KIF1A: variants seen among roughly 807,000 people sequenced by gnomAD.
KIF1A encodes kinesin-like protein KIF1A.
A neutral mutation model predicts 227.3 loss-of-function variants in KIF1A; 46 were observed. The observed-to-expected ratio is 0.20, with a 90% CI of 0.16 to 0.26. KIF1A has a LOEUF of 0.26. Ranked by LOEUF, KIF1A falls within the 10% of genes least tolerant of loss-of-function variation. The pLI, the probability that KIF1A is intolerant of heterozygous loss-of-function variation, is 1.00. For missense variants in KIF1A, 1,683 were observed against 2,485.9 expected, an observed-to-expected ratio of 0.68 and a Z score of 6.87; for synonymous variants, 1,022 against 1,012.8, an observed-to-expected ratio of 1.01 and a Z score of -0.17.
At position 240,730,008 on chromosome 2, in the gene KIF1A, G is replaced by C. The variant is rs566754663; in HGVS notation, c.4008-3068C>G. On this transcript the variant is annotated intron_variant, in intron 38 of 48. Transcript: ENST00000498729. Reference sequence around the variant, plus strand: ...CTGTACCCTAAATGCCTCGCAACCAGCCCTTGGCCCACATCCTGCCTGGCT... The same window carrying C: ...CTGTACCCTAAATGCCTCGCAACCACCCCTTGGCCCACATCCTGCCTGGCT... Among the ~76,000 whole-genome samples, 5 of 152,312 alleles carry C rather than the reference G, an allele frequency of 3.3e-5. No homozygotes were observed. The East Asian group carries it at 9.6e-4, about 29-fold the overall frequency.
intron 10 of KIF1A, chr2:240,781,899 C>T (rs2054076971): frequency 3.0e-6 from 3 of 985,296 alleles, no homozygotes; most frequent in Non-Finnish European, 3.6e-6. Context: ...TGGAACTCCT[C>T]ACACGGGCCG....
At chr2:240,810,078 C>T (rs1044047615) in intron 1 of KIF1A, among the ~76,000 whole-genome samples, 7 of 152,002 alleles carry the variant, frequency 4.6e-5, no homozygotes, top group African/African-American at 1.2e-4. Context: ...CCTCCCAAAG[C>T]GCTGGAATTA....
intron 10 of KIF1A, among the ~76,000 whole-genome samples, chr2:240,780,797 T>A (rs931713019): frequency 8.8e-4 from 11 of 12,460 alleles, no homozygotes; most frequent in African/African-American, 2.7e-3. Flanking sequence ...CACACACAGC[T>A]CCACACACAC....
chr2:240,790,467 C>T lies in KIF1A; in HGVS notation c.107-1155G>A, dbSNP rs1020305829. Among the ~76,000 whole-genome samples the T allele has an allele frequency of 1.3e-5, 2 of 151,992 alleles. No homozygotes were observed. Among genetic ancestry groups the T allele is most frequent in the African/African-American group, 4.8e-5 (2 of 41,392 alleles). On this transcript the variant is annotated intron_variant, in intron 2 of 48. Transcript: ENST00000498729. This position sits in a 1 kb window ranked among gnomAD's most constrained non-coding sequence, Gnocchi z 5.0. Reference sequence around the variant, plus strand: ...CCAGCGGCACAGCCTCCAGTATGCCCGCACCCTCCGTGCCAGCATGCACCC... The same window carrying T: ...CCAGCGGCACAGCCTCCAGTATGCCTGCACCCTCCGTGCCAGCATGCACCC...
rs778729761 is a variant in KIF1A, at chr2:240,737,045, AG to A, written c.4007+17del. The A allele has an allele frequency of 1.4e-5, 22 of 1,590,414 alleles. No individual in the cohort carries two copies. The highest frequency in any genetic ancestry group is 1.8e-5 in the Non-Finnish European group (21 of 1,158,960). On this transcript the variant is annotated intron_variant, in intron 38 of 48. Coordinates refer to ENST00000498729, the MANE Select transcript of KIF1A (RefSeq NM_001244008.2). ...GGAACATGCCCTGGGCCCTGTCTCC[AG>A]GGAGTCTCCGACTCACCGGTCATCT...
chr2:240,741,230 A>G (rs1204691511), intron 35 of KIF1A, 39 bp downstream of exon 35: 3 of 1,406,084 alleles, frequency 2.1e-6, no homozygotes, highest in Admixed American at 1.9e-5. Flanking sequence ...ACCCCCCGAC[A>G]CACACTCACG....
At chr2:240,723,891 TG>T (rs1056552511) in intron 41 of KIF1A, 83 bp downstream of exon 41, 4 of 1,162,480 alleles carry the variant, frequency 3.4e-6, no homozygotes, top group Non-Finnish European at 3.9e-6. Flanking sequence ...CCCCTGCAAA[TG>T]GCAGCTTCGC....
At chr2:240,795,610 G>A (rs893215837) in intron 2 of KIF1A, among the ~76,000 whole-genome samples, 2 of 152,210 alleles carry the variant, frequency 1.3e-5, no homozygotes, top group South Asian at 2.1e-4. Context: ...TCTTGGCAAC[G>A]CTGGCTCACC....
chr2:240,759,006 G>A (rs75342651), intron 25 of KIF1A, among the ~76,000 whole-genome samples: 1,998 of 152,238 alleles, frequency 0.013, 44 homozygotes, highest in African/African-American at 0.046. Flanking sequence ...CTAGATCTCA[G>A]GTATAAGAGA....
In KIF1A at chr2:240,789,733, G is replaced by A. The variant is rs184927664; in HGVS notation, c.107-421C>T. Among the ~76,000 whole-genome samples the A allele has an allele frequency of 9.2e-5, 14 of 152,228 alleles. No homozygotes were observed. Among genetic ancestry groups the A allele is most frequent in the African/African-American group, 1.9e-4 (8 of 41,530 alleles). Reference sequence around the variant, plus strand: ...GCTCCGGCTCAGCGTGCACGTGCCCGAGAAGCGCTGGAAGCCTGGGCGTCC... The same window carrying A: ...GCTCCGGCTCAGCGTGCACGTGCCCAAGAAGCGCTGGAAGCCTGGGCGTCC... On this transcript the variant is annotated intron_variant, in intron 2 of 48. Coordinates refer to ENST00000498729, the MANE Select transcript of KIF1A (RefSeq NM_001244008.2). This position sits in a 1 kb window ranked among gnomAD's most constrained non-coding sequence, Gnocchi z 4.8.
upstream of KIF1A, among the ~76,000 whole-genome samples, chr2:240,820,721 C>T (rs2058660896): frequency 6.6e-6 from 1 of 151,844 alleles, no homozygotes; most frequent in Admixed American, 6.5e-5. This position sits in a 1 kb window ranked among gnomAD's most constrained non-coding sequence, Gnocchi z 6.2. Context: ...ATGCTGGCTC[C>T]GGGTGTAACA....
Position 240,758,499 on chromosome 2 carries a change from T to TGCAGGGACGGCAGGGGTCAATGTGGAC in KIF1A, c.2445-29_2445-3dup. 1 of 1,574,758 alleles carries TGCAGGGACGGCAGGGGTCAATGTGGAC rather than the reference T, an allele frequency of 6.4e-7. No individual in the cohort carries two copies. Among genetic ancestry groups the TGCAGGGACGGCAGGGGTCAATGTGGAC allele is most frequent in the Non-Finnish European group, 8.6e-7 (1 of 1,158,852 alleles). On this transcript the variant is annotated splice_polypyrimidine_tract_variant and splice_region_variant and intron_variant, in intron 25 of 48. Coordinates refer to ENST00000498729, the MANE Select transcript of KIF1A (RefSeq NM_001244008.2). This position sits in a 1 kb window ranked among gnomAD's most constrained non-coding sequence, Gnocchi z 5.2. ...TCCCGCATCAGGTCCAGACGCTGCC[T>TGCAGGGACGGCAGGGGTCAATGTGGAC]GCAGGGACGGCAGGGGTCAATGTGG...
rs1429313760 is a variant in KIF1A, at chr2:240,778,622, A to G, written c.883-2696T>C. The stretch of plus-strand genomic sequence containing the variant: ...CCTTCAGCTCGGCCCCCGTCCCCAC[A>G]CAGCTCCCCACCCCCTTCCACACAC... On this transcript the variant is annotated intron_variant, in intron 10 of 48. Coordinates refer to ENST00000498729, the MANE Select transcript of KIF1A (RefSeq NM_001244008.2). The surrounding 1 kb of genome is among the most constrained non-coding windows in gnomAD (Gnocchi z 7.2). Among the ~76,000 whole-genome samples the G allele has an allele frequency of 7.2e-6, 1 of 138,302 alleles. No individual in the cohort carries two copies. Among genetic ancestry groups the G allele is most frequent in the East Asian group, 2.2e-4 (1 of 4,464 alleles). 90.7% of individuals were successfully genotyped at this position (138,302 alleles called of 152,430 possible).
chr2:240,796,142 G>A lies in KIF1A; in HGVS notation c.106+1505C>T, dbSNP rs137896669. 5.0e-3 allele frequency among the ~76,000 whole-genome samples: 768 copies of A among 152,290 alleles called. 3 individuals carry two copies. The highest frequency in any genetic ancestry group is 0.017 in the African/African-American group (721 of 41,558). ...GGCCACAGTGCTCACCAGAGGTCAC[G>A]GTTCCCACCCGGAGTCGAAGGTCAC... On this transcript the variant is annotated intron_variant, in intron 2 of 48. Coordinates refer to ENST00000498729, the MANE Select transcript of KIF1A (RefSeq NM_001244008.2).
chr2:240,737,233 C>T (rs1364705375), intron 37 of KIF1A, 65 bp from the exon 38 acceptor site: 1 of 1,309,516 alleles, frequency 7.6e-7, no homozygotes, highest in African/African-American at 1.5e-5. Context: ...GGGGGGCTGC[C>T]TCAGGTGGGG....
intron 38 of KIF1A, 147 bp from the exon 39 acceptor site, chr2:240,727,087 G>T: frequency 1.8e-6 from 1 of 561,560 alleles, no homozygotes; most frequent in Non-Finnish European, 3.2e-6. Context: ...GGGCGGCGGT[G>T]CCAGGAAGGA....
At position 240,713,856 on chromosome 2, in the gene KIF1A, T is replaced by TA. The variant is rs1559467453; in HGVS notation, c.*3507dup. 1.3e-5 allele frequency: 2 copies of TA among 152,914 alleles called. No homozygotes were observed. Among genetic ancestry groups the TA allele is most frequent in the African/African-American group, 4.8e-5 (2 of 41,442 alleles). The allele number at this position is 152,914 out of a possible 1,614,324, so 9.5% of individuals were successfully genotyped here. ...GGAGCCTAGGGCTAACACTCGGGTG[T>TA]AAGACATCGGGACAGGCGTCGTGAC... On this transcript the variant is annotated 3_prime_UTR_variant, in exon 49 of 49. Coordinates refer to ENST00000498729, the MANE Select transcript of KIF1A (RefSeq NM_001244008.2).
At chr2:240,780,798 C>CCACACACA (rs534367981) in intron 10 of KIF1A, among the ~76,000 whole-genome samples, 1 of 34,914 alleles carries the variant, frequency 2.9e-5, no homozygotes, top group Non-Finnish European at 4.8e-5. Context: ...ACACACAGCT[C>CCACACACA]CACACACACA....
intron 1 of KIF1A, among the ~76,000 whole-genome samples, chr2:240,807,120 GTGTGTGTGTGTA>G (rs1210589939): frequency 4.5e-4 from 37 of 82,192 alleles, no homozygotes; most frequent in Non-Finnish European, 6.1e-4. Context: ...GTGTGTGTGT[GTGTGTGTGTGTA>G]TATATATATA....
Sources: gnomAD v4.1 joint callset for allele counts (sites outside exome capture counted in the v4.1 genomes callset) on GRCh38, gnomAD v4.1.1 for gene constraint, Gnocchi (gnomAD v3.1) non-coding constraint, MANE v1.5 for transcripts, NCBI Gene and HGNC (gene_info 2026-07-23, HGNC 2026-07-21) for gene names.